Variants in NEGR1 observed in about 807,000 individuals in gnomAD.
NEGR1 encodes neuronal growth regulator 1.
A neutral mutation model predicts 40.9 loss-of-function variants in NEGR1; 10 were observed. The ratio of observed to expected loss-of-function variants is 0.24; its 90% CI spans 0.15 to 0.42. The LOEUF (loss-of-function observed/expected upper bound fraction) is 0.42, where lower values mean the gene tolerates loss of function less well. NEGR1 is among the 10% of genes least tolerant of loss of function. NEGR1 has a pLI of 1.00. For synonymous variants in NEGR1, 185 were observed against 166.8 expected, an observed-to-expected ratio of 1.11 and a Z score of -0.84; for missense variants, 352 against 438.9, an observed-to-expected ratio of 0.80 and a Z score of 1.77.
intron 1 of NEGR1, among the ~76,000 whole-genome samples, chr1:72,199,295 G>C (rs1310410952): frequency 1.3e-5 from 2 of 151,830 alleles, no homozygotes; most frequent in Admixed American, 6.6e-5. Context: ...GCTGTGCCAG[G>C]TACTATTTAT....
chr1:72,019,741 C>T (rs1646741142), intron 1 of NEGR1, among the ~76,000 whole-genome samples: 1 of 152,316 alleles, frequency 6.6e-6, no homozygotes, highest in African/African-American at 2.4e-5. Context: ...TTGTTCAATG[C>T]ATCACTGTAA....
intron 1 of NEGR1, chr1:72,274,668 T>C (rs1447063994): frequency 4.5e-6 from 4 of 898,558 alleles, no homozygotes; most frequent in East Asian, 2.4e-5. Context: ...TTTATGGAGG[T>C]ACCTATATGC....
chr1:71,933,240 A>G (rs1243936135), intron 2 of NEGR1, among the ~76,000 whole-genome samples: 1 of 152,058 alleles, frequency 6.6e-6, no homozygotes, highest in Non-Finnish European at 1.5e-5. Context: ...TAAACAACCT[A>G]TGTAATATAA....
chr1:71,409,826 CA>C (rs1646303626), intron 6 of NEGR1, among the ~76,000 whole-genome samples: 1 of 151,890 alleles, frequency 6.6e-6, no homozygotes, highest in Admixed American at 6.6e-5. Context: ...TTCTGTCCTA[CA>C]AAATGGAATC....
In NEGR1 at chr1:71,852,574, C is replaced by T. The variant is rs577664208; in HGVS notation, c.410-76277G>A. On this transcript the variant is annotated intron_variant, in intron 2 of 6. Transcript: ENST00000357731. Reference sequence around the variant, plus strand: ...ATTACCGACCTGGCCTTTTTAGGAACTTGAGTGTGCAACATTTCCAGACAA... The same window carrying T: ...ATTACCGACCTGGCCTTTTTAGGAATTTGAGTGTGCAACATTTCCAGACAA... Among the ~76,000 whole-genome samples the T allele has an allele frequency of 7.9e-5, 12 of 152,082 alleles. 1 individual carries two copies. In the South Asian group the frequency reaches 2.5e-3, roughly 31 times the overall value.
intron 1 of NEGR1, among the ~76,000 whole-genome samples, chr1:71,944,167 C>T (rs1404332058): frequency 6.6e-6 from 1 of 152,154 alleles, no homozygotes; most frequent in Non-Finnish European, 1.5e-5. Context: ...CTCTGAACCG[C>T]TGTGGGGAAA....
At chr1:72,196,876 A>G (rs780420402) in intron 1 of NEGR1, among the ~76,000 whole-genome samples, 1 of 152,030 alleles carries the variant, frequency 6.6e-6, no homozygotes, top group Non-Finnish European at 1.5e-5. Flanking sequence ...TCATTTTAAT[A>G]ATTGAGAATG....
chr1:71,529,084 A>T (rs750339320), intron 6 of NEGR1, among the ~76,000 whole-genome samples: 19 of 151,200 alleles, frequency 1.3e-4, no homozygotes, highest in Non-Finnish European at 2.7e-4. Context: ...AGATTAAATT[A>T]TTTTCAGAAT....
chr1:72,168,581 G>T (rs745655960), intron 1 of NEGR1, among the ~76,000 whole-genome samples: 1 of 152,096 alleles, frequency 6.6e-6, no homozygotes, highest in Non-Finnish European at 1.5e-5. Flanking sequence ...AGCCATGAAA[G>T]TAACTTCAGT....
rs547116785 is a variant in NEGR1 at position 72,276,949 on chromosome 1, C to G, written c.176+5370G>C. On this transcript the variant is annotated intron_variant, in intron 1 of 6. Coordinates refer to ENST00000357731, the MANE Select transcript of NEGR1 (RefSeq NM_173808.3). ...TAGTAACATCAGGAAGCCACTACTA[C>G]TCCTAGGTTGAAGGAATAAAGGGAT... 2.6e-5 allele frequency among the ~76,000 whole-genome samples: 4 copies of G among 152,174 alleles called. No homozygotes were observed. The South Asian group carries it at 6.2e-4, about 24-fold the overall frequency.
chr1:71,532,894 A>G (rs1261048628), intron 6 of NEGR1, among the ~76,000 whole-genome samples: 1 of 151,636 alleles, frequency 6.6e-6, no homozygotes, highest in Non-Finnish European at 1.5e-5. Flanking sequence ...TAGAGGTAGT[A>G]GGTTCAATAA....
chr1:72,178,354 G>A (rs900884752), intron 1 of NEGR1, among the ~76,000 whole-genome samples: 15 of 151,794 alleles, frequency 9.9e-5, no homozygotes, highest in African/African-American at 3.6e-4. Context: ...CTTCTTCTCT[G>A]AATGTCACAC....
At chr1:71,462,777 A>T (rs150017220) in intron 6 of NEGR1, among the ~76,000 whole-genome samples, 1 of 152,196 alleles carries the variant, frequency 6.6e-6, no homozygotes, top group Non-Finnish European at 1.5e-5. Flanking sequence ...AATTTCATTT[A>T]TTATTGTGTT....
intron 6 of NEGR1, among the ~76,000 whole-genome samples, chr1:71,462,078 C>G (rs1212893168): frequency 6.6e-6 from 1 of 152,074 alleles, no homozygotes; most frequent in Non-Finnish European, 1.5e-5. Flanking sequence ...TTCTTTTAAA[C>G]TAGGTGTTAT....
intron 1 of NEGR1, among the ~76,000 whole-genome samples, chr1:72,052,234 A>G (rs1247181092): frequency 6.6e-6 from 1 of 151,458 alleles, no homozygotes; most frequent in African/African-American, 2.4e-5. Context: ...AGCCTTGTCA[A>G]ATTATTCCAG....
intron 3 of NEGR1, among the ~76,000 whole-genome samples, chr1:71,754,657 G>T (rs957877024): frequency 1.4e-5 from 2 of 142,260 alleles, no homozygotes; most frequent in Non-Finnish European, 3.0e-5. Context: ...TCCCTATTCA[G>T]CTCATTCAAT....
At chr1:72,218,808 T>A (rs1653912803) in intron 1 of NEGR1, among the ~76,000 whole-genome samples, 1 of 151,984 alleles carries the variant, frequency 6.6e-6, no homozygotes, top group South Asian at 2.1e-4. Flanking sequence ...GAATTTAAAA[T>A]ATAAAGAGAG....
At chr1:72,237,892 C>T (rs1026271468) in intron 1 of NEGR1, among the ~76,000 whole-genome samples, 2 of 151,798 alleles carry the variant, frequency 1.3e-5, no homozygotes, top group African/African-American at 2.4e-5. Flanking sequence ...TTAATAACAG[C>T]CTTATGCAGG....
intron 6 of NEGR1, among the ~76,000 whole-genome samples, chr1:71,587,312 A>G (rs1242338176): frequency 1.3e-5 from 2 of 152,134 alleles, no homozygotes; most frequent in Non-Finnish European, 2.9e-5. Flanking sequence ...GAATCTAACC[A>G]GGGAAAAACA....
Sources: gnomAD v4.1 joint callset for allele counts (sites outside exome capture counted in the v4.1 genomes callset) on GRCh38, gnomAD v4.1.1 for gene constraint, MANE v1.5 for transcripts, NCBI Gene and HGNC (gene_info 2026-07-23, HGNC 2026-07-21) for gene names.